Variants in TRPM3 observed in about 807,000 individuals in gnomAD.
TRPM3 encodes transient receptor potential cation channel subfamily M member 3, also known as long transient receptor potential channel 3.
In TRPM3, 77 loss-of-function variants were observed where a neutral mutation model predicts 181.2. The ratio of observed to expected loss-of-function variants is 0.42; its 90% CI spans 0.35 to 0.51. The LOEUF (loss-of-function observed/expected upper bound fraction) is 0.51, where lower values mean the gene tolerates loss of function less well. Among genes scored for constraint, TRPM3 ranks in the 20% least tolerant of loss-of-function variants. The pLI is 0.01. For missense variants in TRPM3, 1,759 were observed against 2,196.7 expected, an observed-to-expected ratio of 0.80 and a Z score of 3.98; for synonymous variants, 745 against 796.4, an observed-to-expected ratio of 0.94 and a Z score of 1.09.
intron 25 of TRPM3, among the ~76,000 whole-genome samples, chr9:70,542,042 G>A (rs1398545950): frequency 1.3e-5 from 2 of 152,258 alleles, no homozygotes; most frequent in Non-Finnish European, 2.9e-5. Flanking sequence ...GATCACTTGA[G>A]CCCAGGAGAC....
chr9:71,368,742 G>A (rs1052638881), intron 1 of TRPM3, among the ~76,000 whole-genome samples: 14 of 152,112 alleles, frequency 9.2e-5, no homozygotes, highest in Non-Finnish European at 1.9e-4. Context: ...GTTTAAAAAA[G>A]CAAATCTTTA....
intron 1 of TRPM3, among the ~76,000 whole-genome samples, chr9:71,038,964 C>T (rs946058869): frequency 5.3e-5 from 8 of 152,108 alleles, no homozygotes; most frequent in Non-Finnish European, 1.2e-4. Flanking sequence ...CACTATTTGA[C>T]CCTGTCCTCA....
chr9:70,754,880 C>G (rs1460758233), intron 8 of TRPM3, among the ~76,000 whole-genome samples: 2 of 152,154 alleles, frequency 1.3e-5, no homozygotes, highest in Non-Finnish European at 2.9e-5. Flanking sequence ...TGCAGCAAGA[C>G]AGTCCTAGCT....
intron 1 of TRPM3, among the ~76,000 whole-genome samples, chr9:70,916,258 AT>A (rs899900299): frequency 1.3e-5 from 2 of 152,248 alleles, no homozygotes; most frequent in African/African-American, 4.8e-5. Context: ...GAATAAGTCA[AT>A]CAGAAAGAAA....
intron 1 of TRPM3, among the ~76,000 whole-genome samples, chr9:70,980,794 C>T (rs1352564503): frequency 6.6e-6 from 1 of 152,170 alleles, no homozygotes; most frequent in Admixed American, 6.5e-5. Context: ...AATGTGGGAA[C>T]CCAGTCTTTG....
intron 1 of TRPM3, among the ~76,000 whole-genome samples, chr9:71,169,524 T>C (rs2076733118): frequency 6.6e-6 from 1 of 152,210 alleles, no homozygotes; most frequent in East Asian, 1.9e-4. Flanking sequence ...CAAAAAAACA[T>C]ATTTCGAGGC....
At chr9:71,096,590 A>ACACTCTCTCTCTCTCTCTCT (rs1452142664) in intron 1 of TRPM3, among the ~76,000 whole-genome samples, 10 of 90,038 alleles carry the variant, frequency 1.1e-4, no homozygotes, top group African/African-American at 4.1e-4. Context: ...ACACACACAC[A>ACACTCTCTCTCTCTCTCTCT]CTCTCTCTCT....
chr9:70,568,404 T>A (rs1588546971), intron 22 of TRPM3, among the ~76,000 whole-genome samples: 1 of 152,302 alleles, frequency 6.6e-6, no homozygotes, highest in Admixed American at 6.5e-5. Context: ...ACAAACATTT[T>A]AAAAAAGGTA....
At chr9:71,402,128 C>T (rs1165101138) in intron 1 of TRPM3, among the ~76,000 whole-genome samples, 1 of 152,150 alleles carries the variant, frequency 6.6e-6, no homozygotes, top group Non-Finnish European at 1.5e-5. Flanking sequence ...TTAGAAGCAG[C>T]ATGCAAGTCT....
At chr9:70,914,735 T>C (rs2096573012) in intron 1 of TRPM3, among the ~76,000 whole-genome samples, 1 of 152,132 alleles carries the variant, frequency 6.6e-6, no homozygotes, top group Non-Finnish European at 1.5e-5. Flanking sequence ...CCCTCAGCTC[T>C]AGGTGACTCA....
intron 1 of TRPM3, among the ~76,000 whole-genome samples, chr9:71,434,908 T>C (rs540237249): frequency 3.1e-4 from 47 of 152,192 alleles, no homozygotes; most frequent in African/African-American, 8.9e-4. Flanking sequence ...CAGGAAAAAA[T>C]GGTAACAGCT....
rs1207626100 is a variant in TRPM3, at chr9:70,862,767, G to A, written c.462+141C>T. 6.6e-6 allele frequency: 5 copies of A among 755,536 alleles called. No individual in the cohort carries two copies. The African/African-American group carries it at 7.0e-5, about 11-fold the overall frequency. 46.8% of individuals were successfully genotyped at this position (755,536 alleles called of 1,614,324 possible). ...AGGGTTGAGACACACAGGGGCAGGG[G>A]ACTCAGAGCAGGTCACCTCATCAGA... On this transcript the variant is annotated intron_variant, in intron 3 of 25. Coordinates refer to ENST00000677713, the MANE Select transcript of TRPM3 (RefSeq NM_001366145.2).
intron 9 of TRPM3, among the ~76,000 whole-genome samples, chr9:70,641,528 T>C (rs992443814): frequency 2.0e-5 from 3 of 152,206 alleles, no homozygotes; most frequent in African/African-American, 7.2e-5. Flanking sequence ...ATTGGAACTA[T>C]TTCCCAGGTT....
At chr9:70,800,583 A>G (rs972475430) in intron 6 of TRPM3, among the ~76,000 whole-genome samples, 1 of 152,166 alleles carries the variant, frequency 6.6e-6, no homozygotes, top group Non-Finnish European at 1.5e-5. Flanking sequence ...CTTTCTTCTC[A>G]GCCTACTCGG....
chr9:71,382,694 T>A (rs1165815816), intron 1 of TRPM3, among the ~76,000 whole-genome samples: 1 of 151,874 alleles, frequency 6.6e-6, no homozygotes, highest in Admixed American at 6.6e-5. Context: ...TAGTCTTTTT[T>A]TTTTTTGCAC....
At chr9:70,635,162 G>T in intron 12 of TRPM3, 49 bp downstream of exon 12, 2 of 1,557,486 alleles carry the variant, frequency 1.3e-6, no homozygotes, top group South Asian at 2.2e-5. Context: ...TCTAATCACA[G>T]GAAGCAGTCA....
At chr9:70,846,228 G>C in intron 4 of TRPM3, 150 bp downstream of exon 4, 2 of 697,836 alleles carry the variant, frequency 2.9e-6, no homozygotes, top group Non-Finnish European at 5.0e-6. Context: ...TTCTCATTTA[G>C]ATAAAGGAGG....
intron 1 of TRPM3, among the ~76,000 whole-genome samples, chr9:70,912,120 T>A (rs1400616267): frequency 6.6e-6 from 1 of 152,196 alleles, no homozygotes; most frequent in African/African-American, 2.4e-5. Context: ...TGCATAGTTT[T>A]GAAGACAGTT....
At chr9:71,437,955 T>A (rs1271359153) in intron 1 of TRPM3, among the ~76,000 whole-genome samples, 1 of 151,340 alleles carries the variant, frequency 6.6e-6, no homozygotes, top group Admixed American at 6.6e-5. Context: ...TAAGCAATCA[T>A]CCCCAGTGGT....
Sources: allele counts gnomAD v4.1 joint callset (sites outside exome capture counted in the v4.1 genomes callset), GRCh38; gene constraint gnomAD v4.1.1; transcripts MANE v1.5; gene names NCBI Gene and HGNC (gene_info 2026-07-23, HGNC 2026-07-21).